Variants in NMBR observed in about 807,000 individuals in gnomAD.
NMBR encodes the protein neuromedin-B receptor.
In NMBR, 16 loss-of-function variants were observed where a neutral mutation model predicts 20.5. That is an observed-to-expected ratio of 0.78 (90% CI 0.53 to 1.19). The LOEUF (loss-of-function observed/expected upper bound fraction) is 1.19. NMBR is among the 50% of genes most tolerant of loss of function. The pLI is 0.00. For synonymous variants in NMBR, 212 were observed against 196.6 expected (o/e 1.08, Z -0.65); for missense variants, 582 against 499.1 (o/e 1.17, Z -1.58).
intron 1 of NMBR, among the ~76,000 whole-genome samples, chr6:142,139,195 C>T (rs900999536): frequency 3.9e-5 from 6 of 152,146 alleles, no homozygotes; most frequent in Non-Finnish European, 8.8e-5. Context: ...GATTCTTCCC[C>T]AGGGAAGATC....
At chr6:142,106,662 A>G (rs939351904) in intron 1 of NMBR, among the ~76,000 whole-genome samples, 1 of 152,218 alleles carries the variant, frequency 6.6e-6, no homozygotes, top group Non-Finnish European at 1.5e-5. Context: ...GCCCTAAGCA[A>G]TTGTTAACTA....
intron 1 of NMBR, among the ~76,000 whole-genome samples, chr6:142,106,030 G>T (rs887654650): frequency 3.9e-5 from 6 of 151,944 alleles, no homozygotes; most frequent in Non-Finnish European, 8.8e-5. Flanking sequence ...TTAAATTACT[G>T]AAAATAATTT....
chr6:142,074,583 G>A lies in NMBR; in HGVS notation c.*1065C>T, dbSNP rs2717. Among the ~76,000 whole-genome samples the A allele has an allele frequency of 0.62, 94,148 of 151,970 alleles. 30,550 individuals carry two copies. The highest frequency in any genetic ancestry group is 0.84 in the East Asian group (4,367 of 5,176). On this transcript the variant is annotated 3_prime_UTR_variant, in exon 4 of 4. Coordinates refer to ENST00000258042, the MANE Select transcript of NMBR (RefSeq NM_002511.4). Reference sequence around the variant, plus strand: ...ATTTTCCTAAAAAAAGAAGACATTTGTTCAGAGAAAACTGTGGTATCATGC... The same window carrying A: ...ATTTTCCTAAAAAAAGAAGACATTTATTCAGAGAAAACTGTGGTATCATGC...
chr6:142,095,074 G>T (rs1025328948), intron 1 of NMBR, among the ~76,000 whole-genome samples: 1 of 152,006 alleles, frequency 6.6e-6, no homozygotes, highest in African/African-American at 2.4e-5. Context: ...GGGTTTTCTA[G>T]ATATACAATC....
intron 1 of NMBR, among the ~76,000 whole-genome samples, chr6:142,125,489 G>A (rs1778014704): frequency 6.6e-6 from 1 of 151,568 alleles, no homozygotes. Context: ...ATATACATGT[G>A]CATGCATATA....
At chr6:142,090,404 T>C (rs1024359826) in intron 1 of NMBR, among the ~76,000 whole-genome samples, 1 of 152,108 alleles carries the variant, frequency 6.6e-6, no homozygotes, top group Non-Finnish European at 1.5e-5. Context: ...TGTCACATCA[T>C]AATTGAATTA....
intron 1 of NMBR, among the ~76,000 whole-genome samples, chr6:142,097,379 CTATT>C (rs911238510): frequency 1.8e-4 from 27 of 151,674 alleles, no homozygotes; most frequent in African/African-American, 6.3e-4. Flanking sequence ...TGGTGCTTCT[CTATT>C]TATATCTGGT....
chr6:142,080,861 G>T (rs528406941), intron 2 of NMBR, among the ~76,000 whole-genome samples: 74 of 151,938 alleles, frequency 4.9e-4, no homozygotes, highest in African/African-American at 1.7e-3. Flanking sequence ...AACCACAAAG[G>T]GTATTCTGAA....
At chr6:142,134,402 CAT>C (rs1327397389) in intron 1 of NMBR, 5 of 451,616 alleles carry the variant, frequency 1.1e-5, no homozygotes, top group Non-Finnish European at 1.9e-5. Context: ...TATTAAGACA[CAT>C]ATAAGATTTT....
intron 1 of NMBR, among the ~76,000 whole-genome samples, chr6:142,103,954 T>A (rs1777610850): frequency 6.6e-6 from 1 of 152,202 alleles, no homozygotes; most frequent in Non-Finnish European, 1.5e-5. Context: ...GTTCTTTCTA[T>A]ACTTTCACAA....
intron 2 of NMBR, among the ~76,000 whole-genome samples, chr6:142,079,487 A>G (rs953383691): frequency 6.6e-6 from 1 of 152,162 alleles, no homozygotes; most frequent in Admixed American, 6.5e-5. Flanking sequence ...ATTCTTCTAA[A>G]TCTATATATG....
At chr6:142,140,995 C>T (rs186186410) in intron 1 of NMBR, among the ~76,000 whole-genome samples, 7 of 152,268 alleles carry the variant, frequency 4.6e-5, no homozygotes, top group African/African-American at 1.4e-4. Flanking sequence ...GATTTCAACA[C>T]TTCTCTCTCA....
chr6:142,138,412 T>C (rs941919818), intron 1 of NMBR, among the ~76,000 whole-genome samples: 8 of 152,140 alleles, frequency 5.3e-5, no homozygotes, highest in African/African-American at 1.9e-4. Flanking sequence ...TAACAAGTAC[T>C]GCATTAAAAA....
chr6:142,095,895 C>A (rs1176282921), intron 1 of NMBR, among the ~76,000 whole-genome samples: 5 of 152,222 alleles, frequency 3.3e-5, no homozygotes, highest in Admixed American at 3.3e-4. Flanking sequence ...GTGTATGTGT[C>A]AAGGAATTTA....
chr6:142,088,395 C>G lies in NMBR; in HGVS notation c.264G>C (p.Gly88=). 5 of 1,614,108 alleles carry G rather than the reference C, an allele frequency of 3.1e-6. No homozygotes were observed. The highest frequency in any genetic ancestry group is 2.2e-5 in the South Asian group (2 of 91,066). The change falls in exon 2 of 4, where the codon GGG becomes GGC. Residue 88 remains glycine, a synonymous_variant. Transcript: ENST00000258042. ...PNIFISNLAA[G]DLLLLLTCVP... ...CGCAGGTGAGCAGCAGCAGCAAGTC[C>G]CCGGCCGCCAGGTTAGAGATGAAGA...
At chr6:142,120,635 T>C (rs1403956925) in intron 1 of NMBR, among the ~76,000 whole-genome samples, 1 of 152,062 alleles carries the variant, frequency 6.6e-6, no homozygotes, top group East Asian at 1.9e-4. Flanking sequence ...TGGAAAGACC[T>C]TGTAATGCAA....
At chr6:142,129,418 A>C (rs1307783345) in intron 1 of NMBR, among the ~76,000 whole-genome samples, 1 of 152,096 alleles carries the variant, frequency 6.6e-6, no homozygotes, top group Non-Finnish European at 1.5e-5. Flanking sequence ...CATTTTAAAA[A>C]TTTTAGGGCT....
At chr6:142,100,067 A>G (rs541370916) in intron 1 of NMBR, among the ~76,000 whole-genome samples, 29 of 152,224 alleles carry the variant, frequency 1.9e-4, no homozygotes, top group Non-Finnish European at 3.4e-4. Flanking sequence ...AAACACTGCC[A>G]ACTTTAAATG....
intron 1 of NMBR, among the ~76,000 whole-genome samples, chr6:142,122,560 C>G (rs1052632024): frequency 6.6e-6 from 1 of 151,934 alleles, no homozygotes; most frequent in Non-Finnish European, 1.5e-5. Flanking sequence ...AAGATGCCAT[C>G]TAAAACTTTC....
Sources: gnomAD v4.1 joint callset for allele counts (sites outside exome capture counted in the v4.1 genomes callset) on GRCh38, gnomAD v4.1.1 for gene constraint, MANE v1.5 for transcripts, NCBI Gene and HGNC (gene_info 2026-07-23, HGNC 2026-07-21) for gene names.